Variants in GNAO1 observed in about 807,000 individuals in gnomAD.
GNAO1 encodes the protein G protein subunit alpha o1.
For synonymous variants in GNAO1, 164 were observed against 180.7 expected, an observed-to-expected ratio of 0.91 and a Z score of 0.74; for missense variants, 166 against 478.7, an observed-to-expected ratio of 0.35 and a Z score of 6.10.
At chr16:56,322,350 G>A (rs1328115740) in intron 3 of GNAO1, among the ~76,000 whole-genome samples, 1 of 152,190 alleles carries the variant, frequency 6.6e-6, no homozygotes, top group African/African-American at 2.4e-5. Flanking sequence ...TGATGGGGCC[G>A]TAGCAGAAAG....
chr16:56,260,508 T>C (rs1426327510), intron 2 of GNAO1, among the ~76,000 whole-genome samples: 2 of 152,166 alleles, frequency 1.3e-5, no homozygotes, highest in Non-Finnish European at 1.5e-5. Flanking sequence ...CCTGCCCTCC[T>C]GCTGGCCTCT....
intron 3 of GNAO1, among the ~76,000 whole-genome samples, chr16:56,316,474 A>T (rs2037510867): frequency 6.6e-6 from 1 of 152,170 alleles, no homozygotes; most frequent in Non-Finnish European, 1.5e-5. Flanking sequence ...CTAGGGCTGC[A>T]TGACCCCACT....
intron 1 of GNAO1, 51 bp from the exon 2 acceptor site, chr16:56,192,523 T>C: frequency 1.1e-6 from 1 of 900,112 alleles, no homozygotes; most frequent in Non-Finnish European, 1.7e-6. Flanking sequence ...CTCCCCCTGT[T>C]CCCTTAAGCT....
At chr16:56,340,970 G>C (rs1274589060) in intron 6 of GNAO1, 1 of 1,613,934 alleles carries the variant, frequency 6.2e-7, no homozygotes, top group Non-Finnish European at 8.5e-7. Context: ...CTCACCATCT[G>C]CTTTCCTGAA....
At chr16:56,197,170 T>C (rs987209433) in intron 2 of GNAO1, among the ~76,000 whole-genome samples, 6 of 152,360 alleles carry the variant, frequency 3.9e-5, no homozygotes, top group Admixed American at 6.5e-5. Context: ...CATTACTCCA[T>C]GAAAGTGCGT....
intron 6 of GNAO1, among the ~76,000 whole-genome samples, chr16:56,342,456 C>T (rs1407516615): frequency 2.0e-5 from 3 of 152,192 alleles, no homozygotes; most frequent in African/African-American, 7.2e-5. Flanking sequence ...TGAGGGCCTT[C>T]AGTGCAAAGC....
chr16:56,251,365 C>CAAGTGAAATCAAGTTCACTTCTGT (rs1243568934), intron 2 of GNAO1, among the ~76,000 whole-genome samples: 39 of 152,318 alleles, frequency 2.6e-4, no homozygotes, highest in African/African-American at 8.7e-4. Flanking sequence ...AAAACTTCTA[C>CAAGTGAAATCAAGTTCACTTCTGT]AAGTGAAATC....
At chr16:56,235,351 T>C (rs1480374464) in intron 2 of GNAO1, 1 of 455,978 alleles carries the variant, frequency 2.2e-6, no homozygotes, top group Non-Finnish European at 4.4e-6. Flanking sequence ...CATCAACAGA[T>C]GAAGAAGTTG....
chr16:56,256,810 TAAC>T (rs2036854963), intron 2 of GNAO1, among the ~76,000 whole-genome samples: 1 of 150,930 alleles, frequency 6.6e-6, no homozygotes, highest in Non-Finnish European at 1.5e-5. Flanking sequence ...CAGGGGCCAC[TAAC>T]ACTCCCCATT....
chr16:56,356,302 CAG>C lies in GNAO1; in HGVS notation c.*230_*231del, dbSNP rs1489641093. 1.9e-4 allele frequency: 29 copies of C among 152,650 alleles called. No individual in the cohort carries two copies. The highest frequency in any genetic ancestry group is 2.1e-4 in the Non-Finnish European group (14 of 68,034). The allele number at this position is 152,650 out of a possible 1,614,324, so 9.5% of individuals were successfully genotyped here. A position where few individuals can be genotyped will look rare whatever the true frequency, so the allele number is the denominator to read the frequency against. ...CACATTTAGAATTTGAAAGGAAAAA[CAG>C]AACATTTCTCATGTGCTTTGTAGCT... On this transcript the variant is annotated 3_prime_UTR_variant, in exon 9 of 9. Transcript: ENST00000262493.
At chr16:56,315,542 T>G (rs1596860093) in intron 3 of GNAO1, among the ~76,000 whole-genome samples, 1 of 152,044 alleles carries the variant, frequency 6.6e-6, no homozygotes, top group Non-Finnish European at 1.5e-5. Context: ...CCAGGAGAGA[T>G]ACCCAGGAGG....
At chr16:56,344,957 C>T in intron 6 of GNAO1, 2 of 982,390 alleles carry the variant, frequency 2.0e-6, no homozygotes, top group Non-Finnish European at 2.4e-6. Context: ...AGTTTGTTCA[C>T]AGCCGTTGGT....
chr16:56,283,735 C>T (rs1210250455), intron 3 of GNAO1, among the ~76,000 whole-genome samples: 2 of 152,108 alleles, frequency 1.3e-5, no homozygotes, highest in African/African-American at 4.8e-5. Context: ...GCTTCATACT[C>T]CCATAGCCCA....
At chr16:56,240,250 C>T (rs1372736645) in intron 2 of GNAO1, among the ~76,000 whole-genome samples, 2 of 152,030 alleles carry the variant, frequency 1.3e-5, no homozygotes, top group Non-Finnish European at 2.9e-5. Flanking sequence ...TGGTTAGAGG[C>T]AGGCTCATGC....
chr16:56,225,801 G>A (rs796901753), intron 2 of GNAO1, among the ~76,000 whole-genome samples: 2 of 152,106 alleles, frequency 1.3e-5, no homozygotes, highest in Non-Finnish European at 2.9e-5. Context: ...AACACACAAA[G>A]TTAACTAAAT....
In GNAO1 at chr16:56,191,571, G is replaced by C. The variant is rs1265901463; in HGVS notation, c.-665G>C. The C allele has an allele frequency of 6.6e-6, 1 of 151,818 alleles. No individual in the cohort carries two copies. The highest frequency in any genetic ancestry group is 1.5e-5 in the Non-Finnish European group (1 of 68,168). 9.4% of individuals were successfully genotyped at this position (151,818 alleles called of 1,614,324 possible). ...CTCTCCGGTAGGCTCACCGAGCGATGCGAGCTCTGGGAGACAGCGACGCCG... is the reference window on the plus strand; with the variant it reads ...CTCTCCGGTAGGCTCACCGAGCGATCCGAGCTCTGGGAGACAGCGACGCCG... On this transcript the variant is annotated 5_prime_UTR_variant, in exon 1 of 9. An upstream start codon of the reference 5' UTR is lost. Transcript: ENST00000262493. This position sits in a 1 kb window ranked among gnomAD's most constrained non-coding sequence, Gnocchi z 4.7.
At chr16:56,324,131 C>T (rs774246737) in intron 3 of GNAO1, among the ~76,000 whole-genome samples, 12 of 152,200 alleles carry the variant, frequency 7.9e-5, no homozygotes, top group Non-Finnish European at 1.6e-4. Context: ...ATCATTTATC[C>T]CAGATGTCCC....
chr16:56,290,012 C>T (rs1243670298), intron 3 of GNAO1, among the ~76,000 whole-genome samples: 2 of 152,204 alleles, frequency 1.3e-5, no homozygotes, highest in African/African-American at 2.4e-5. Context: ...GGCATCTTTG[C>T]TCTCAGGATA....
intron 2 of GNAO1, among the ~76,000 whole-genome samples, chr16:56,260,296 G>C (rs1364123206): frequency 6.6e-6 from 1 of 152,180 alleles, no homozygotes; most frequent in Non-Finnish European, 1.5e-5. Flanking sequence ...GTCTCTACCT[G>C]AAATCCAGAT....
Sources: gnomAD v4.1 joint callset for allele counts (sites outside exome capture counted in the v4.1 genomes callset) on GRCh38, gnomAD v4.1.1 for gene constraint, Gnocchi (gnomAD v3.1) non-coding constraint, MANE v1.5 for transcripts, NCBI Gene and HGNC (gene_info 2026-07-23, HGNC 2026-07-21) for gene names.